The following TP63 variants were observed in gnomAD, a reference collection of about 807,000 sequenced individuals.
The protein encoded by TP63 is tumor protein p63.
A neutral mutation model predicts 82.8 loss-of-function variants in TP63; 17 were observed. The observed-to-expected ratio is 0.21, with a 90% CI of 0.14 to 0.31. The LOEUF (loss-of-function observed/expected upper bound fraction) is 0.31, where lower values mean the gene tolerates loss of function less well. TP63 is among the 10% of genes least tolerant of loss of function. The pLI, the probability that TP63 is intolerant of heterozygous loss-of-function variation, is 1.00. For synonymous variants in TP63, 330 were observed against 321.7 expected, an observed-to-expected ratio of 1.03 and a Z score of -0.28; for missense variants, 648 against 895.3, an observed-to-expected ratio of 0.72 and a Z score of 3.52.
chr3:189,765,432 G>GTTTTTTTTTTTTTTT (rs1560167431), intron 3 of TP63, among the ~76,000 whole-genome samples: 3 of 6,184 alleles, frequency 4.9e-4, no homozygotes, highest in Non-Finnish European at 1.1e-3. Context: ...CCTGTCCTCT[G>GTTTTTTTTTTTTTTT]CTTTTTTTTT....
At chr3:189,612,568 T>G in the TP63 span, among the ~76,000 whole-genome samples, 1 of 152,158 alleles carries the variant, frequency 6.6e-6, no homozygotes, top group Non-Finnish European at 1.5e-5. Context: ...AAATTGGTAC[T>G]CTAGAGTGGG....
intron 11 of TP63, among the ~76,000 whole-genome samples, chr3:189,887,044 A>G (rs1316433566): frequency 6.6e-6 from 1 of 151,952 alleles, no homozygotes; most frequent in African/African-American, 2.4e-5. Context: ...CCCCGTCTCT[A>G]TTAAAAATAC....
At chr3:189,850,281 C>T (rs1003010399) in intron 4 of TP63, among the ~76,000 whole-genome samples, 1 of 151,864 alleles carries the variant, frequency 6.6e-6, no homozygotes, top group Non-Finnish European at 1.5e-5. Context: ...GACTCCATCC[C>T]CCCGTACCCC....
chr3:189,851,788 G>A (rs141265153), intron 4 of TP63, among the ~76,000 whole-genome samples: 17 of 152,142 alleles, frequency 1.1e-4, no homozygotes, highest in African/African-American at 3.9e-4. Context: ...CCCTTCTGAT[G>A]GGTGAAAGTC....
intron 1 of TP63, among the ~76,000 whole-genome samples, chr3:189,653,946 A>G (rs1041000097): frequency 1.3e-5 from 2 of 152,138 alleles, no homozygotes; most frequent in African/African-American, 2.4e-5. Flanking sequence ...ATGGGGTCCT[A>G]AGTGCTTAGG....
At position 189,650,736 on chromosome 3, in the gene TP63, A is replaced by T. The variant is rs1027461563; in HGVS notation, c.62+19159A>T. 1.4e-5 allele frequency among the ~76,000 whole-genome samples: 2 copies of T among 147,584 alleles called. 1 individual carries two copies. The highest frequency in any genetic ancestry group is 5.1e-5 in the African/African-American group (2 of 39,430). On this transcript the variant is annotated intron_variant, in intron 1 of 13. Transcript: ENST00000264731. Reference sequence around the variant, plus strand: ...GGTATGTCTTTATTAGCAATGTGAGAATAGACAAGTACACTAAATTGAAAC... The same window carrying T: ...GGTATGTCTTTATTAGCAATGTGAGTATAGACAAGTACACTAAATTGAAAC...
rs756640433 is a variant in TP63 at position 189,782,909 on chromosome 3, G to A, written c.325-25363G>A. Among the ~76,000 whole-genome samples the A allele has an allele frequency of 1.0e-3, 154 of 152,206 alleles. 1 individual carries two copies. Among genetic ancestry groups the A allele is most frequent in the African/African-American group, 3.5e-3 (145 of 41,570 alleles). On this transcript the variant is annotated intron_variant, in intron 3 of 13. Coordinates refer to ENST00000264731, the MANE Select transcript of TP63 (RefSeq NM_003722.5). ...AGCTGCTAGTGCTTGTACTAGTGTT[G>A]TAGTAAGGTGAGCTCTGTAATGCAT...
intron 10 of TP63, among the ~76,000 whole-genome samples, chr3:189,875,615 T>TATATATATATATACACACAC (rs1560289432): frequency 3.6e-5 from 4 of 110,410 alleles, no homozygotes; most frequent in Non-Finnish European, 7.3e-5. Context: ...TATATATATA[T>TATATATATATATACACACAC]ATATATATAT....
At chr3:189,744,378 A>G (rs894563102) in intron 3 of TP63, among the ~76,000 whole-genome samples, 2 of 151,982 alleles carry the variant, frequency 1.3e-5, no homozygotes, top group African/African-American at 4.8e-5. Context: ...CCGGGGGATC[A>G]CCCTGCTTCT....
In TP63 at chr3:189,637,679, A is replaced by G. The variant is rs139591183; in HGVS notation, c.62+6102A>G. On this transcript the variant is annotated intron_variant, in intron 1 of 13. Transcript: ENST00000264731. Reference sequence around the variant, plus strand: ...TTTACAGTTGACAAAATGTTTCCCAATGCATTGCACATGTGACCTACCTGG... The same window carrying G: ...TTTACAGTTGACAAAATGTTTCCCAGTGCATTGCACATGTGACCTACCTGG... 1.5e-3 allele frequency among the ~76,000 whole-genome samples: 233 copies of G among 152,236 alleles called. 2 individuals are homozygous for G. The highest frequency in any genetic ancestry group is 5.3e-3 in the African/African-American group (222 of 41,560).
At chr3:189,715,169 C>T (rs1325113820) in intron 1 of TP63, among the ~76,000 whole-genome samples, 2 of 151,984 alleles carry the variant, frequency 1.3e-5, no homozygotes, top group Admixed American at 1.3e-4. Context: ...TAGAGAGGAC[C>T]CAGAAGAAAT....
At chr3:189,793,309 G>A (rs966537338) in intron 3 of TP63, among the ~76,000 whole-genome samples, 1 of 152,020 alleles carries the variant, frequency 6.6e-6, no homozygotes, top group Non-Finnish European at 1.5e-5. Flanking sequence ...TTTTAGAAGA[G>A]CAGTGATTCT....
intron 4 of TP63, among the ~76,000 whole-genome samples, chr3:189,828,003 G>A (rs1046895141): frequency 7.2e-5 from 11 of 152,170 alleles, no homozygotes; most frequent in African/African-American, 2.7e-4. Context: ...CACTTTGGGA[G>A]GCCGAGGCTG....
At position 189,694,049 on chromosome 3, in the gene TP63, C is replaced by G. The variant is rs539481640; in HGVS notation, c.63-43691C>G. On this transcript the variant is annotated intron_variant, in intron 1 of 13. Coordinates refer to ENST00000264731, the MANE Select transcript of TP63 (RefSeq NM_003722.5). Reference sequence around the variant, plus strand: ...GAGGTATAGCTCAGAGTGCCATGGACTATAATAAAGTATGTTGGTGTTATT... The same window carrying G: ...GAGGTATAGCTCAGAGTGCCATGGAGTATAATAAAGTATGTTGGTGTTATT... 1.2e-4 allele frequency among the ~76,000 whole-genome samples: 18 copies of G among 152,258 alleles called. 1 individual carries two copies. The South Asian group carries it at 3.5e-3, about 30-fold the overall frequency.
intron 7 of TP63, 99 bp downstream of exon 7, chr3:189,868,041 C>T (rs142195310): frequency 3.3e-5 from 32 of 964,532 alleles, no homozygotes; most frequent in South Asian, 1.1e-4. Context: ...GCATGTGCAG[C>T]GGAGAGCTTG....
intron 10 of TP63, among the ~76,000 whole-genome samples, chr3:189,874,772 C>T (rs1282735698): frequency 2.0e-5 from 3 of 152,000 alleles, no homozygotes; most frequent in Non-Finnish European, 4.4e-5. Flanking sequence ...ACCATACAAC[C>T]AGGATCAAAG....
At chr3:189,622,168 G>A in the TP63 span, among the ~76,000 whole-genome samples, 2 of 152,202 alleles carry the variant, frequency 1.3e-5, no homozygotes, top group Admixed American at 6.5e-5. Flanking sequence ...TGGCCCAAAT[G>A]TGGATGCCCG....
chr3:189,880,893 A>G (rs1018556984), intron 10 of TP63: 7 of 985,254 alleles, frequency 7.1e-6, no homozygotes, highest in African/African-American at 3.5e-5. Flanking sequence ...CTGTTATGCT[A>G]AAGTTTTTCT....
At chr3:189,681,645 G>GC (rs1375623884) in intron 1 of TP63, among the ~76,000 whole-genome samples, 1 of 151,912 alleles carries the variant, frequency 6.6e-6, no homozygotes, top group Non-Finnish European at 1.5e-5. Flanking sequence ...CATTCCTTTG[G>GC]CTTCCTTGAC....
Sources: allele counts gnomAD v4.1 joint callset (sites outside exome capture counted in the v4.1 genomes callset), GRCh38; gene constraint gnomAD v4.1.1; transcripts MANE v1.5; gene names NCBI Gene and HGNC (gene_info 2026-07-23, HGNC 2026-07-21).